PANX2: variants seen among roughly 807,000 people sequenced by gnomAD.
The protein encoded by PANX2 is pannexin 2, also known as pannexin-2.
Under a neutral mutation model 38.7 loss-of-function variants are expected in PANX2, and 30 were observed. The observed-to-expected ratio is 0.78, with a 90% CI of 0.58 to 1.05. PANX2 has a LOEUF of 1.05. Ranked by LOEUF, PANX2 falls within the 50% of genes least tolerant of loss-of-function variation. The pLI is 0.00. For synonymous variants in PANX2, 539 were observed against 472.1 expected, an observed-to-expected ratio of 1.14 and a Z score of -1.84; for missense variants, 880 against 979.3, an observed-to-expected ratio of 0.90 and a Z score of 1.35.
chr22:50,178,110 G>GACGGCC lies in PANX2; in HGVS notation c.1403_1408dup (p.Ala468_Thr469dup). 6.5e-7 allele frequency: 1 copy of GACGGCC among 1,543,418 alleles called. No homozygotes were observed. Among genetic ancestry groups the GACGGCC allele is most frequent in the East Asian group, 2.4e-5 (1 of 41,052 alleles). On this transcript the variant is annotated inframe_insertion, in exon 2 of 3. Coordinates refer to ENST00000395842, the MANE Select transcript of PANX2 (RefSeq NM_052839.4). ...AGAAGCCGAAGCCCGCGCGCAGGAA[G>GACGGCC]ACGGCCACGGACACGCTGATCGCGC...
Position 50,178,192 on chromosome 22 carries a change from GGCCCCGCCCCTGCCCCC to G in PANX2, c.1489_1505del (p.Pro497AlafsTer4). ...GGGCGGAGGGGGCGACCCGGGCCCC[GGCCCCGCCCCTGCCCCC>G]GCCCCGCCGCCCGCCCCTGACAAGA... On this transcript the variant is annotated frameshift_variant, in exon 2 of 3. Transcript: ENST00000395842. LOFTEE classifies it high-confidence loss of function. 7.1e-7 allele frequency: 1 copy of G among 1,417,198 alleles called. No individual in the cohort carries two copies. The highest frequency in any genetic ancestry group is 9.3e-7 in the Non-Finnish European group (1 of 1,077,092). 87.8% of individuals were successfully genotyped at this position (1,417,198 alleles called of 1,614,324 possible).
Position 50,180,218 on chromosome 22 carries a change from C to T in PANX2, c.*941C>T, listed in dbSNP as rs575282032. 7.9e-5 allele frequency: 12 copies of T among 152,410 alleles called. No homozygotes were observed. The highest frequency in any genetic ancestry group is 2.6e-4 in the African/African-American group (11 of 41,598). 9.4% of individuals were successfully genotyped at this position (152,410 alleles called of 1,614,324 possible). ...CACCCGGCTGGTCCCACCCCAAATA[C>T]CTCAGCCATGGAGACCATGTCATGC... is the stretch of plus-strand genomic sequence containing the variant. On this transcript the variant is annotated 3_prime_UTR_variant, in exon 3 of 3. Coordinates refer to ENST00000395842, the MANE Select transcript of PANX2 (RefSeq NM_052839.4).
intron 1 of PANX2, among the ~76,000 whole-genome samples, chr22:50,175,014 C>T (rs1354912170): frequency 1.3e-5 from 2 of 152,150 alleles, no homozygotes; most frequent in Non-Finnish European, 2.9e-5. Context: ...CCCAAAGGGC[C>T]GGGCCGGTCA....
chr22:50,179,402 A>C lies in PANX2; in HGVS notation c.*125A>C. The C allele has an allele frequency of 2.3e-6, 2 of 855,076 alleles. No homozygotes were observed. The highest frequency in any genetic ancestry group is 3.6e-6 in the Non-Finnish European group (2 of 552,174). The allele number at this position is 855,076 out of a possible 1,614,324, so 53.0% of individuals were successfully genotyped here. On this transcript the variant is annotated 3_prime_UTR_variant, in exon 3 of 3. Transcript: ENST00000395842. ...CTTCGCCCGCACTGCGCGCATCCCC[A>C]ACCTCTGTCCGCATGCCTGGGGCCT...
In PANX2 at chr22:50,177,444, C is replaced by T. The variant is rs926831608; in HGVS notation, c.732C>T (p.Tyr244=). 1 of 1,608,786 alleles carries T rather than the reference C, an allele frequency of 6.2e-7. No homozygotes were observed. The highest frequency in any genetic ancestry group is 2.2e-5 in the East Asian group (1 of 44,608). Residue 244 remains tyrosine (Y), a synonymous_variant, in exon 2 of 3, where the codon TAC becomes TAT. Coordinates refer to ENST00000395842, the MANE Select transcript of PANX2 (RefSeq NM_052839.4). ...TGCTGAGCGCCGTGCCCATCTCCTA[C>T]CTGTGCACCTACTACGCCACGCAGA... The part of the protein sequence containing the change: ...ILLLSAVPIS[Y]LCTYYATQKQ...
chr22:50,179,849 A>G lies in PANX2; in HGVS notation c.*572A>G, dbSNP rs6010152. ...ACTTTCTCCTTGTCGCCTGACAGAC[A>G]TTTTATTTTACTAAGACTGCTGTAC... On this transcript the variant is annotated 3_prime_UTR_variant, in exon 3 of 3. Coordinates refer to ENST00000395842, the MANE Select transcript of PANX2 (RefSeq NM_052839.4). 0.092 allele frequency: 14,481 copies of G among 157,434 alleles called. 740 individuals are homozygous for G. Among genetic ancestry groups the G allele is most frequent in the South Asian group, 0.22 (1,133 of 5,218 alleles). 9.8% of individuals were successfully genotyped at this position (157,434 alleles called of 1,614,324 possible).
In PANX2 at chr22:50,177,539, G is replaced by A. The variant is rs1160790229; in HGVS notation, c.827G>A (p.Arg276His). The A allele has an allele frequency of 1.2e-6, 2 of 1,611,246 alleles. No individual in the cohort carries two copies. Among genetic ancestry groups the A allele is most frequent in the Middle Eastern group, 1.7e-4 (1 of 6,054 alleles). ...GCGGCAGGTGCGGGGCCCGCGGTGC[G>A]CGTGAGCTGCAAGCTCCCGTCCGTG... is the stretch of plus-strand genomic sequence containing the variant. ...DGAAGAGPAV[R>H]VSCKLPSVQL... The change falls in exon 2 of 3, where the codon CGC becomes CAC. Residue 276 changes from arginine to histidine, a missense_variant. Around this residue, in one of 4 missense-constraint regions of PANX2, gnomAD observed 114 missense variants for 108.8 expected, o/e 1.05. Transcript: ENST00000395842.
rs777730705 is a variant in PANX2, at chr22:50,177,492, G to A, written c.780G>A (p.Ala260=). 5.0e-6 allele frequency: 8 copies of A among 1,609,306 alleles called. No homozygotes were observed. Among genetic ancestry groups the A allele is most frequent in the South Asian group, 1.1e-5 (1 of 90,768 alleles). ...ATQKQNEFTC[A]LGASPDGAAG... Reference sequence around the variant, plus strand: ...AGAAGCAGAACGAGTTCACCTGCGCGCTGGGCGCGTCCCCGGACGGGGCGG... The same window carrying A: ...AGAAGCAGAACGAGTTCACCTGCGCACTGGGCGCGTCCCCGGACGGGGCGG... Residue 260 remains alanine (A), a synonymous_variant, in exon 2 of 3, where the codon GCG becomes GCA. Transcript: ENST00000395842.
rs186460052 is a variant in PANX2 at position 50,179,893 on chromosome 22, A to G, written c.*616A>G. On this transcript the variant is annotated 3_prime_UTR_variant, in exon 3 of 3. Coordinates refer to ENST00000395842, the MANE Select transcript of PANX2 (RefSeq NM_052839.4). ...GCTGTACCGAACAAGCATATTTATC[A>G]TCAGGAGACAGGATGGGTTTAAAGC... 3.1e-3 allele frequency: 475 copies of G among 154,398 alleles called. 2 individuals carry two copies. The highest frequency in any genetic ancestry group is 0.011 in the African/African-American group (459 of 41,600). 9.6% of individuals were successfully genotyped at this position (154,398 alleles called of 1,614,324 possible). A position where few individuals can be genotyped will look rare whatever the true frequency, so the allele number is the denominator to read the frequency against.
rs1290558465 is a variant in PANX2, at chr22:50,178,201, C to G, written c.1489C>G (p.Pro497Ala). ...GGGCGACCCGGGCCCCGGCCCCGCCCCTGCCCCCGCCCCGCCGCCCGCCCC... is the reference window on the plus strand; with the variant it reads ...GGGCGACCCGGGCCCCGGCCCCGCCGCTGCCCCCGCCCCGCCGCCCGCCCC... ...GGGDPGPGPA[P>A]APAPPPAPDK... The change falls in exon 2 of 3, where the codon CCT (proline) becomes GCT (alanine). Residue 497 changes from proline (P) to alanine (A), a missense_variant. By Grantham distance (27) the Pro-to-Ala change is conservative. Coordinates refer to ENST00000395842, the MANE Select transcript of PANX2 (RefSeq NM_052839.4). The G allele has an allele frequency of 9.6e-6, 14 of 1,459,684 alleles. No individual in the cohort carries two copies. The highest frequency in any genetic ancestry group is 1.3e-5 in the Non-Finnish European group (14 of 1,114,010). The allele number at this position is 1,459,684 out of a possible 1,614,324, so 90.4% of individuals were successfully genotyped here. A position where few individuals can be genotyped will look rare whatever the true frequency, so the allele number is the denominator to read the frequency against.
At chr22:50,171,475 T>G (rs6010195) in intron 1 of PANX2, among the ~76,000 whole-genome samples, 35,762 of 151,944 alleles carry the variant, frequency 0.24, 4,631 homozygotes, top group Middle Eastern at 0.36. Context: ...CCTCTCCGGG[T>G]GCACTGGGGG....
chr22:50,177,641 T>A lies in PANX2; in HGVS notation c.929T>A (p.Ile310Asn). ...VMNLIILVNL[I>N]HLFIFRKSNF... ...AACCTCATCATCCTCGTCAACCTCA[T>A]CCACCTCTTCATCTTCCGCAAGAGC... Residue 310 changes from isoleucine (I) to asparagine (N), a missense_variant, in exon 2 of 3, where the codon ATC becomes AAC. Coordinates refer to ENST00000395842, the MANE Select transcript of PANX2 (RefSeq NM_052839.4). 6.2e-7 allele frequency: 1 copy of A among 1,612,816 alleles called. No homozygotes were observed. Among genetic ancestry groups the A allele is most frequent in the Non-Finnish European group, 8.5e-7 (1 of 1,179,990 alleles).
In PANX2 at chr22:50,172,041, G is replaced by A. The variant is rs532686592; in HGVS notation, c.226+1085G>A. On this transcript the variant is annotated intron_variant, in intron 1 of 2. Transcript: ENST00000395842. ...GGAGGCCTCTGCTGGTCTCCTCTTC[G>A]ACACTGGAGGCCAGACCCCGGGGAT... Among the ~76,000 whole-genome samples, 17 of 152,230 alleles carry A rather than the reference G, an allele frequency of 1.1e-4. No individual in the cohort carries two copies. In the South Asian group the frequency reaches 2.5e-3, roughly 22 times the overall value.
chr22:50,172,434 A>G (rs76673347), intron 1 of PANX2, among the ~76,000 whole-genome samples: 2,294 of 151,584 alleles, frequency 0.015, 39 homozygotes, highest in East Asian at 0.058. Flanking sequence ...TCTGTGTCCA[A>G]ATTTCCTTTT....
rs2063665244 is a variant in PANX2, at chr22:50,177,091, G to A, written c.379G>A (p.Ala127Thr). The A allele has an allele frequency of 3.7e-6, 6 of 1,610,882 alleles. No individual in the cohort carries two copies. The highest frequency in any genetic ancestry group is 2.2e-5 in the East Asian group (1 of 44,796). Residue 127 changes from alanine to threonine, a missense_variant, in exon 2 of 3, where the codon GCG becomes ACG. By Grantham distance (58) the Ala-to-Thr change is moderately conservative. Coordinates refer to ENST00000395842, the MANE Select transcript of PANX2 (RefSeq NM_052839.4). ...GTTTGAGCACAAGTTCCTGCCCTAC[G>A]CGCTGCTGGCCTTCGCCGCCATCAT... ...SLFEHKFLPY[A>T]LLAFAAIMYV...
intron 2 of PANX2, 126 bp downstream of exon 2, chr22:50,178,528 C>T (rs2063679060): frequency 1.6e-6 from 1 of 611,404 alleles, no homozygotes; most frequent in African/African-American, 2.0e-5. Context: ...GAGGCCCCCT[C>T]AAAGGGGGAA....
At position 50,177,281 on chromosome 22, in the gene PANX2, G is replaced by C. The variant is rs1375961758; in HGVS notation, c.569G>C (p.Arg190Pro). Residue 190 changes from arginine (R) to proline (P), a missense_variant, in exon 2 of 3, where the codon CGC becomes CCC. Around this residue, in one of 4 missense-constraint regions of PANX2, gnomAD observed 243 missense variants for 333.1 expected, o/e 0.73. Coordinates refer to ENST00000395842, the MANE Select transcript of PANX2 (RefSeq NM_052839.4). Reference sequence around the variant, plus strand: ...TCCAAGGGCCCGGGCATCACGGAGCGCGAGAAGCGCGAGATCATCGAGAAC... The same window carrying C: ...TCCAAGGGCCCGGGCATCACGGAGCCCGAGAAGCGCGAGATCATCGAGAAC... ...IQSKGPGITE[R>P]EKREIIENAE... is the part of the protein sequence containing the mutation. 1.2e-6 allele frequency: 2 copies of C among 1,612,140 alleles called. No individual in the cohort carries two copies. The highest frequency in any genetic ancestry group is 1.7e-6 in the Non-Finnish European group (2 of 1,179,736).
intron 1 of PANX2, 93 bp from the exon 2 acceptor site, chr22:50,176,846 G>A (rs1364813696): frequency 5.3e-6 from 7 of 1,323,294 alleles, no homozygotes; most frequent in Non-Finnish European, 7.0e-6. Flanking sequence ...TCCTGGGAGG[G>A]GTTCGGCAGG....
At chr22:50,174,205 G>A (rs1015180922) in intron 1 of PANX2, among the ~76,000 whole-genome samples, 1 of 152,206 alleles carries the variant, frequency 6.6e-6, no homozygotes, top group Non-Finnish European at 1.5e-5. Flanking sequence ...TCCCCAGGTG[G>A]GAGGACAGGG....
Sources: gnomAD v4.1 joint callset for allele counts (sites outside exome capture counted in the v4.1 genomes callset) on GRCh38, gnomAD v4.1.1 for gene constraint, gnomAD v4.1.1 regional missense constraint, MANE v1.5 for transcripts, NCBI Gene and HGNC (gene_info 2026-07-23, HGNC 2026-07-21) for gene names.